POLR3B: variants seen among roughly 807,000 people sequenced by gnomAD.
The protein encoded by POLR3B is RNA polymerase III subunit B.
In POLR3B, 96 loss-of-function variants were observed where a neutral mutation model predicts 147.4. That is an observed-to-expected ratio of 0.65 (90% CI 0.55 to 0.77). The LOEUF is 0.77. Ranked by LOEUF, POLR3B falls within the 30% of genes least tolerant of loss-of-function variation. POLR3B has a pLI of 0.00. For missense variants in POLR3B, 1,036 were observed against 1,413.5 expected (o/e 0.73, Z 4.28); for synonymous variants, 461 against 485.9 (o/e 0.95, Z 0.67).
At chr12:106,425,043 T>C (rs1359379210) in intron 12 of POLR3B, among the ~76,000 whole-genome samples, 4 of 152,238 alleles carry the variant, frequency 2.6e-5, no homozygotes, top group Non-Finnish European at 5.9e-5. Flanking sequence ...TGGATGAACA[T>C]ATTATCTGCA....
intron 23 of POLR3B, among the ~76,000 whole-genome samples, chr12:106,481,409 T>C (rs1334514278): frequency 6.6e-6 from 1 of 152,240 alleles, no homozygotes; most frequent in East Asian, 1.9e-4. Flanking sequence ...CGGCTTTGAC[T>C]CAGTCTTCTT....
At chr12:106,383,370 C>T (rs1267168441) in intron 9 of POLR3B, among the ~76,000 whole-genome samples, 2 of 152,178 alleles carry the variant, frequency 1.3e-5, no homozygotes, top group Admixed American at 6.6e-5. Context: ...GTGCAGGAGG[C>T]CTAGCTTTTG....
At chr12:106,423,055 T>C (rs968872725) in intron 12 of POLR3B, among the ~76,000 whole-genome samples, 10 of 152,316 alleles carry the variant, frequency 6.6e-5, no homozygotes, top group African/African-American at 2.4e-4. Context: ...TAAGGGTTTT[T>C]GGTAGACATT....
At chr12:106,464,219 C>T (rs2037976752) in intron 23 of POLR3B, among the ~76,000 whole-genome samples, 1 of 152,174 alleles carries the variant, frequency 6.6e-6, no homozygotes, top group Non-Finnish European at 1.5e-5. Context: ...GGTTACTGCA[C>T]AGTTTTCATC....
chr12:106,394,670 T>G (rs2036957615), intron 10 of POLR3B, among the ~76,000 whole-genome samples: 1 of 152,182 alleles, frequency 6.6e-6, no homozygotes, highest in Non-Finnish European at 1.5e-5. Context: ...TGGAAAATCA[T>G]TCATTTATTT....
chr12:106,423,950 G>A (rs1411621094), intron 12 of POLR3B, among the ~76,000 whole-genome samples: 1 of 151,550 alleles, frequency 6.6e-6, no homozygotes, highest in Non-Finnish European at 1.5e-5. Flanking sequence ...TCCGCCTCCC[G>A]GGTTCAAGTG....
Position 106,437,700 on chromosome 12 carries a change from C to T in POLR3B, c.1876C>T (p.His626Tyr). The T allele has an allele frequency of 6.3e-7, 1 of 1,596,138 alleles. No individual in the cohort carries two copies. Among genetic ancestry groups the T allele is most frequent in the Non-Finnish European group, 8.6e-7 (1 of 1,163,860 alleles). Reference sequence around the variant, plus strand: ...TCCCAGGAATTTTGAAGATTTCTTACATGAGAGTCTGGTTGAATATTTAGA... The same window carrying T: ...TCCCAGGAATTTTGAAGATTTCTTATATGAGAGTCTGGTTGAATATTTAGA... ...QGYRNFEDFL[H>Y]ESLVEYLDVN... The change falls in exon 18 of 28, where the codon CAT becomes TAT. Residue 626 changes from histidine to tyrosine, a missense_variant. Physicochemically the swap from His to Tyr is moderately conservative, Grantham distance 83. Transcript: ENST00000228347.
chr12:106,408,834 A>C (rs1375146033), intron 11 of POLR3B, among the ~76,000 whole-genome samples: 1 of 152,162 alleles, frequency 6.6e-6, no homozygotes, highest in Non-Finnish European at 1.5e-5. Flanking sequence ...GTCCTGGAAA[A>C]ATATGCTAAG....
At chr12:106,371,801 A>T (rs1394065166) in intron 6 of POLR3B, among the ~76,000 whole-genome samples, 1 of 91,312 alleles carries the variant, frequency 1.1e-5, no homozygotes, top group Non-Finnish European at 2.1e-5. Context: ...GGGTTGGGGG[A>T]GGGGGGTGGG....
At chr12:106,482,429 G>A (rs34855793) in intron 23 of POLR3B, among the ~76,000 whole-genome samples, 18,534 of 152,110 alleles carry the variant, frequency 0.12, 1,248 homozygotes, top group Non-Finnish European at 0.15. Flanking sequence ...TGGCTAGGGA[G>A]GCCTCAGGAA....
chr12:106,447,233 A>G (rs975336936), intron 19 of POLR3B, among the ~76,000 whole-genome samples: 5 of 152,094 alleles, frequency 3.3e-5, no homozygotes, highest in Non-Finnish European at 7.4e-5. Context: ...TTTGCTCTCT[A>G]CCATTCCCTA....
intron 10 of POLR3B, among the ~76,000 whole-genome samples, chr12:106,404,200 C>T (rs1334251631): frequency 6.6e-6 from 1 of 151,146 alleles, no homozygotes; most frequent in East Asian, 2.0e-4. Context: ...AAGCAATTCT[C>T]CTGCCTCAGC....
chr12:106,439,060 T>C (rs1410578038), intron 18 of POLR3B, among the ~76,000 whole-genome samples: 6 of 152,190 alleles, frequency 3.9e-5, no homozygotes, highest in Non-Finnish European at 8.8e-5. Flanking sequence ...CTAATAACTA[T>C]TTATGTCTTC....
intron 1 of POLR3B, among the ~76,000 whole-genome samples, chr12:106,359,716 A>G (rs1363859970): frequency 6.6e-6 from 1 of 152,216 alleles, no homozygotes; most frequent in South Asian, 2.1e-4. Context: ...CTGTTTAACC[A>G]TAACATGCAT....
chr12:106,427,537 G>T (rs1186830058), intron 13 of POLR3B, among the ~76,000 whole-genome samples, 179 bp downstream of exon 13: 1 of 152,102 alleles, frequency 6.6e-6, no homozygotes, highest in African/African-American at 2.4e-5. Flanking sequence ...TAACTTTCCT[G>T]CCAAATTATA....
At position 106,393,023 on chromosome 12, in the gene POLR3B, C is replaced by T. The variant is rs1360739319; in HGVS notation, c.724-8C>T. The T allele has an allele frequency of 1.9e-6, 3 of 1,613,914 alleles. No individual in the cohort carries two copies. Among genetic ancestry groups the T allele is most frequent in the African/African-American group, 2.7e-5 (2 of 74,914 alleles). ...CAACACTCTTTCTATCTTTTCTTTCCTTCCTAGGCCATGGGTGTTGAGAGT... is the reference window on the plus strand; with the variant it reads ...CAACACTCTTTCTATCTTTTCTTTCTTTCCTAGGCCATGGGTGTTGAGAGT... On this transcript the variant is annotated splice_region_variant and splice_polypyrimidine_tract_variant and intron_variant, in intron 9 of 27. Coordinates refer to ENST00000228347, the MANE Select transcript of POLR3B (RefSeq NM_018082.6).
At chr12:106,361,708 T>C (rs1017190318) in intron 1 of POLR3B, among the ~76,000 whole-genome samples, 1 of 152,094 alleles carries the variant, frequency 6.6e-6, no homozygotes, top group African/African-American at 2.4e-5. Flanking sequence ...TTTGAAATCC[T>C]CCATTCCCAG....
intron 23 of POLR3B, among the ~76,000 whole-genome samples, chr12:106,493,632 T>A (rs1208035383): frequency 6.6e-6 from 1 of 152,278 alleles, no homozygotes; most frequent in African/African-American, 2.4e-5. Flanking sequence ...CGGACCAGAA[T>A]AAGTTAATTA....
chr12:106,426,850 C>A lies in POLR3B; in HGVS notation c.1102-347C>A, dbSNP rs959651683. 3.3e-4 allele frequency among the ~76,000 whole-genome samples: 35 copies of A among 106,260 alleles called. 4 individuals carry two copies. Among genetic ancestry groups the A allele is most frequent in the Non-Finnish European group, 6.3e-4 (29 of 45,824 alleles). 69.7% of individuals were successfully genotyped at this position (106,260 alleles called of 152,430 possible). The stretch of plus-strand genomic sequence containing the variant: ...ATTCTTCTCCACCGTCCCCCCCCCC[C>A]CCCCCCGTCCTTTTTGGTTTTAATA... On this transcript the variant is annotated intron_variant, in intron 12 of 27. Transcript: ENST00000228347.
Sources: gnomAD v4.1 joint callset for allele counts (sites outside exome capture counted in the v4.1 genomes callset) on GRCh38, gnomAD v4.1.1 for gene constraint, MANE v1.5 for transcripts, NCBI Gene and HGNC (gene_info 2026-07-23, HGNC 2026-07-21) for gene names.